YJU2B: variants seen among roughly 807,000 people sequenced by gnomAD.
YJU2B encodes probable splicing factor YJU2B.
In YJU2B, 18 loss-of-function variants were observed where a neutral mutation model predicts 38.0. The observed-to-expected ratio is 0.47, with a 90% CI of 0.33 to 0.70. YJU2B has a LOEUF of 0.70. Ranked by LOEUF, YJU2B falls within the 30% of genes least tolerant of loss-of-function variation. The pLI is 0.02. For missense variants in YJU2B, 538 were observed against 556.3 expected (o/e 0.97, Z 0.33); for synonymous variants, 246 against 225.4 (o/e 1.09, Z -0.82).
chr19:13,751,292 G>C (rs922833310), intron 1 of YJU2B, among the ~76,000 whole-genome samples: 1 of 152,088 alleles, frequency 6.6e-6, no homozygotes, highest in Non-Finnish European at 1.5e-5. Flanking sequence ...GCGCACGCTT[G>C]TAGTCCCAGC....
At position 13,747,914 on chromosome 19, in the gene YJU2B, C is replaced by T. The variant is rs1973306018; in HGVS notation, c.-242C>T. ...AGGTTCACCGCGCTCTCAGCGCGCA[C>T]TTCCGGGCACGGTCAGGGCGTGACG... On this transcript the variant is annotated 5_prime_UTR_variant, in exon 1 of 10. Coordinates refer to ENST00000221554, the MANE Select transcript of YJU2B (RefSeq NM_030818.4). 1 of 152,298 alleles carries T rather than the reference C, an allele frequency of 6.6e-6. No individual in the cohort carries two copies. Among genetic ancestry groups the T allele is most frequent in the Non-Finnish European group, 1.5e-5 (1 of 68,068 alleles). 9.4% of individuals were successfully genotyped at this position (152,298 alleles called of 1,614,324 possible). A position where few individuals can be genotyped will look rare whatever the true frequency, so the allele number is the denominator to read the frequency against.
At position 13,758,871 on chromosome 19, in the gene YJU2B, C is replaced by A; in HGVS notation, c.261C>A (p.Phe87Leu). The A allele has an allele frequency of 6.2e-7, 1 of 1,613,834 alleles. No individual in the cohort carries two copies. The highest frequency in any genetic ancestry group is 8.5e-7 in the Non-Finnish European group (1 of 1,179,998). The change falls in exon 7 of 10, where the codon TTC (phenylalanine) becomes TTA (leucine). Residue 87 changes from phenylalanine to leucine, a missense_variant. This residue lies in a region of YJU2B where 488 missense variants were observed against 469.5 expected (regional missense o/e 1.04). Transcript: ENST00000221554. ...CCTGCCCACCGCTCCCTCCCAGGTT[C>A]CGGATGAAATGCCACCTCTGTGTCA... ...GNYYTTPIYR[F>L]RMKCHLCVNY... is the part of the protein sequence containing the mutation.
chr19:13,736,382 C>T (rs1599487251), intron 2 of YJU2B, among the ~76,000 whole-genome samples: 7 of 150,828 alleles, frequency 4.6e-5, no homozygotes, highest in Admixed American at 2.7e-4. Context: ...CCTCAACCTC[C>T]CAAGTAGCTG....
rs376705371 is a variant in YJU2B, at chr19:13,739,778, G to A, written c.-202+7493G>A. ...AAGTTCTGGGATACATGTGCAGAAC[G>A]TGCAGGTTTGTTACACAGCTATATA... On this transcript the variant is annotated intron_variant, in intron 2 of 10. Transcript: ENST00000586600. Among the ~76,000 whole-genome samples, 7 of 152,170 alleles carry A rather than the reference G, an allele frequency of 4.6e-5. No homozygotes were observed. In the South Asian group the frequency reaches 1.2e-3, roughly 27 times the overall value.
At chr19:13,762,172 G>A (rs1973912699) in intron 8 of YJU2B, 127 bp from the exon 9 acceptor site, 1 of 1,157,168 alleles carries the variant, frequency 8.6e-7, no homozygotes, top group Non-Finnish European at 1.2e-6. Context: ...TCCAGTCTGG[G>A]CGACAGAATG....
chr19:13,740,502 A>T (rs1001835494), intron 2 of YJU2B, among the ~76,000 whole-genome samples: 22 of 151,860 alleles, frequency 1.4e-4, no homozygotes, highest in African/African-American at 5.3e-4. Context: ...ATGAACCACC[A>T]TGCCCAGCCA....
At chr19:13,749,420 G>A (rs1973370706) in intron 1 of YJU2B, among the ~76,000 whole-genome samples, 6 of 152,172 alleles carry the variant, frequency 3.9e-5, no homozygotes, top group Admixed American at 6.6e-5. Flanking sequence ...ATTTATATTG[G>A]CATGCAGCTA....
intron 2 of YJU2B, among the ~76,000 whole-genome samples, chr19:13,737,233 C>T (rs1972974446): frequency 6.6e-6 from 1 of 152,040 alleles, no homozygotes; most frequent in Non-Finnish European, 1.5e-5. Flanking sequence ...CTATGTTTCA[C>T]AGGCTGGTCT....
At chr19:13,751,400 C>T (rs1001654446) in intron 1 of YJU2B, among the ~76,000 whole-genome samples, 5 of 152,084 alleles carry the variant, frequency 3.3e-5, no homozygotes, top group Admixed American at 2.6e-4. Context: ...GGTGACAGAG[C>T]GAGACTCCAT....
chr19:13,739,756 T>A (rs1266029458), intron 2 of YJU2B, among the ~76,000 whole-genome samples: 2 of 152,172 alleles, frequency 1.3e-5, no homozygotes, highest in Non-Finnish European at 2.9e-5. Flanking sequence ...TTTTTTTAAG[T>A]TCTGGGATAC....
At chr19:13,733,120 G>A (rs561610827) in intron 2 of YJU2B, among the ~76,000 whole-genome samples, 5 of 150,866 alleles carry the variant, frequency 3.3e-5, no homozygotes, top group Admixed American at 6.6e-5. Flanking sequence ...TAGTAGAGAC[G>A]GGGTTTCATG....
intron 2 of YJU2B, among the ~76,000 whole-genome samples, chr19:13,753,750 G>A (rs1828022746): frequency 6.6e-6 from 1 of 152,122 alleles, no homozygotes; most frequent in Admixed American, 6.6e-5. Flanking sequence ...GAATGAGCAA[G>A]AGGAAAAGCT....
intron 2 of YJU2B, among the ~76,000 whole-genome samples, chr19:13,734,207 C>T (rs1157619684): frequency 6.6e-6 from 1 of 152,090 alleles, no homozygotes; most frequent in Admixed American, 6.6e-5. Context: ...AGATTACAGG[C>T]GTGAGCCAGC....
At chr19:13,762,559 C>T (rs1019183303) in intron 9 of YJU2B, 31 bp from the exon 10 acceptor site, 19 of 1,531,596 alleles carry the variant, frequency 1.2e-5, no homozygotes, top group Admixed American at 3.9e-5. Context: ...CCTCCCCTGC[C>T]GCCCCTGAAA....
At chr19:13,732,761 A>C (rs1485274726) in intron 2 of YJU2B, among the ~76,000 whole-genome samples, 2 of 149,984 alleles carry the variant, frequency 1.3e-5, no homozygotes, top group African/African-American at 2.5e-5. Flanking sequence ...GGCATGCACC[A>C]CCACACTCAG....
intron 8 of YJU2B, among the ~76,000 whole-genome samples, chr19:13,760,449 C>G (rs898766263): frequency 1.1e-4 from 16 of 152,242 alleles, no homozygotes; most frequent in African/African-American, 3.9e-4. Flanking sequence ...ATTACTTCCC[C>G]AAATGCCTCA....
At chr19:13,761,089 GA>G (rs752212083) in intron 8 of YJU2B, among the ~76,000 whole-genome samples, 6 of 151,966 alleles carry the variant, frequency 3.9e-5, no homozygotes, top group Non-Finnish European at 8.8e-5. Flanking sequence ...ATTTTAAATG[GA>G]ACCTCTTGGC....
intron 2 of YJU2B, among the ~76,000 whole-genome samples, chr19:13,741,151 C>CTTT (rs71170552): frequency 4.0e-5 from 4 of 100,842 alleles, no homozygotes; most frequent in African/African-American, 7.8e-5. Context: ...TTATAGATTT[C>CTTT]TTTTTTTTTT....
intron 2 of YJU2B, among the ~76,000 whole-genome samples, chr19:13,752,343 C>T (rs888956875): frequency 9.2e-5 from 14 of 151,642 alleles, no homozygotes; most frequent in Admixed American, 4.6e-4. Context: ...CACAGTGGCT[C>T]ACGCCTGTAA....
Sources: gnomAD v4.1 joint callset for allele counts (sites outside exome capture counted in the v4.1 genomes callset) on GRCh38, gnomAD v4.1.1 for gene constraint, gnomAD v4.1.1 regional missense constraint, MANE v1.5 for transcripts, NCBI Gene and HGNC (gene_info 2026-07-23, HGNC 2026-07-21) for gene names.